The following NRCAM variants were observed in gnomAD, a reference collection of about 807,000 sequenced individuals.
NRCAM encodes the protein neuronal cell adhesion molecule.
A neutral mutation model predicts 156.5 loss-of-function variants in NRCAM; 83 were observed. That is an observed-to-expected ratio of 0.53 (90% CI 0.44 to 0.64). The LOEUF (loss-of-function observed/expected upper bound fraction) is 0.64. Ranked by LOEUF, NRCAM falls within the 30% of genes least tolerant of loss-of-function variation. The pLI, the probability that NRCAM is intolerant of heterozygous loss-of-function variation, is 0.00. For synonymous variants in NRCAM, 538 were observed against 563.9 expected, an observed-to-expected ratio of 0.95 and a Z score of 0.65; for missense variants, 1,417 against 1,597.3, an observed-to-expected ratio of 0.89 and a Z score of 1.92.
At chr7:108,196,219 A>T (rs1443070365) in intron 14 of NRCAM, among the ~76,000 whole-genome samples, 1 of 152,204 alleles carries the variant, frequency 6.6e-6, no homozygotes, top group Non-Finnish European at 1.5e-5. Flanking sequence ...CTCACTCATC[A>T]TAACCCTAGT....
At chr7:108,195,640 G>C (rs2074608918) in intron 15 of NRCAM, 121 bp downstream of exon 15, 2 of 651,030 alleles carry the variant, frequency 3.1e-6, no homozygotes, top group Non-Finnish European at 5.5e-6. Flanking sequence ...TATATTAACA[G>C]TGTAATGGAT....
intron 2 of NRCAM, among the ~76,000 whole-genome samples, chr7:108,353,080 C>T (rs2099431066): frequency 6.6e-6 from 1 of 150,766 alleles, no homozygotes; most frequent in Non-Finnish European, 1.5e-5. Context: ...CCAAACATTA[C>T]AGAAATACCT....
intron 1 of NRCAM, among the ~76,000 whole-genome samples, chr7:108,429,341 G>A (rs1177609487): frequency 3.9e-5 from 6 of 152,186 alleles, no homozygotes; most frequent in South Asian, 2.1e-4. Flanking sequence ...ACAGATGCCC[G>A]CCACCACGCC....
At chr7:108,159,328 T>A in intron 32 of NRCAM, 135 bp downstream of exon 32, 1 of 790,740 alleles carries the variant, frequency 1.3e-6, no homozygotes, top group Non-Finnish European at 2.3e-6. Context: ...TAAACACTGA[T>A]ACATGGAAGT....
chr7:108,188,921 C>T (rs1256766531), intron 20 of NRCAM, among the ~76,000 whole-genome samples: 1 of 150,368 alleles, frequency 6.7e-6, no homozygotes, highest in East Asian at 2.0e-4. Context: ...CGGTATATGC[C>T]TGAAGGTAAT....
chr7:108,325,516 C>A (rs950925302), intron 2 of NRCAM, among the ~76,000 whole-genome samples: 4 of 151,926 alleles, frequency 2.6e-5, no homozygotes, highest in African/African-American at 9.7e-5. Context: ...TCCCCCTCAT[C>A]TTCAGGGCTT....
chr7:108,351,647 A>T (rs920418303), intron 2 of NRCAM, among the ~76,000 whole-genome samples: 2 of 152,224 alleles, frequency 1.3e-5, no homozygotes, highest in Admixed American at 1.3e-4. Context: ...GGCTGAACCC[A>T]TGGAGGGAGA....
intron 3 of NRCAM, among the ~76,000 whole-genome samples, chr7:108,262,095 A>C (rs1018917218): frequency 6.6e-6 from 1 of 152,078 alleles, no homozygotes; most frequent in African/African-American, 2.4e-5. Context: ...CAAGCTACTT[A>C]TGCACAAGTC....
At chr7:108,201,390 T>C (rs992330413) in intron 13 of NRCAM, among the ~76,000 whole-genome samples, 5 of 152,096 alleles carry the variant, frequency 3.3e-5, no homozygotes, top group African/African-American at 1.2e-4. Context: ...TCTGGATGGG[T>C]GGCAGACTAC....
In NRCAM at chr7:108,281,746, G is replaced by C. The variant is rs1485700926; in HGVS notation, c.-107+30919C>G. On this transcript the variant is annotated intron_variant, in intron 3 of 32. Coordinates refer to ENST00000379028, the MANE Select transcript of NRCAM (RefSeq NM_001037132.4). ...TGGCTGCCAAGCTTGGGGCTTCTCTGACCATGCCAGCAGGCCTGAGCCGGG... is the reference window on the plus strand; with the variant it reads ...TGGCTGCCAAGCTTGGGGCTTCTCTCACCATGCCAGCAGGCCTGAGCCGGG... Among the ~76,000 whole-genome samples, 6 of 152,318 alleles carry C rather than the reference G, an allele frequency of 3.9e-5. No individual in the cohort carries two copies. In the East Asian group the frequency reaches 1.2e-3, roughly 29 times the overall value.
At chr7:108,175,987 AATT>A (rs2060335251) in intron 27 of NRCAM, among the ~76,000 whole-genome samples, 1 of 152,150 alleles carries the variant, frequency 6.6e-6, no homozygotes, top group Admixed American at 6.5e-5. Flanking sequence ...TGAACTAGAA[AATT>A]TTTTCCAGTA....
intron 2 of NRCAM, among the ~76,000 whole-genome samples, chr7:108,347,390 T>A (rs1287593538): frequency 3.3e-5 from 5 of 152,204 alleles, no homozygotes; most frequent in Admixed American, 3.3e-4. Context: ...CTCAAGGAAG[T>A]AAGGCATTCA....
chr7:108,261,063 G>C (rs1362478372), intron 3 of NRCAM, among the ~76,000 whole-genome samples: 3 of 152,114 alleles, frequency 2.0e-5, no homozygotes, highest in African/African-American at 2.4e-5. Flanking sequence ...GACATGAGGA[G>C]AAATGGTGGA....
chr7:108,154,213 T>TA (rs769336813), intron 32 of NRCAM, among the ~76,000 whole-genome samples: 1 of 152,186 alleles, frequency 6.6e-6, no homozygotes, highest in Non-Finnish European at 1.5e-5. Flanking sequence ...GGTGCAGAGA[T>TA]AGACAGATTG....
chr7:108,301,716 T>C (rs1325932736), intron 3 of NRCAM, among the ~76,000 whole-genome samples: 1 of 152,190 alleles, frequency 6.6e-6, no homozygotes, highest in Non-Finnish European at 1.5e-5. Flanking sequence ...GGAAGATGAA[T>C]GGATAGTGGT....
intron 13 of NRCAM, among the ~76,000 whole-genome samples, chr7:108,202,729 T>C (rs971197734): frequency 6.6e-6 from 1 of 152,224 alleles, no homozygotes; most frequent in Non-Finnish European, 1.5e-5. Flanking sequence ...TTATCTTACA[T>C]TCCTGGCTTT....
intron 2 of NRCAM, among the ~76,000 whole-genome samples, chr7:108,390,788 G>T (rs189209218): frequency 0.053 from 8,022 of 152,182 alleles, 234 homozygotes; most frequent in East Asian, 0.11. Flanking sequence ...GTTCTCATTG[G>T]TTTCAAAGAA....
chr7:108,275,316 C>T (rs1252053040), intron 3 of NRCAM, among the ~76,000 whole-genome samples: 1 of 152,196 alleles, frequency 6.6e-6, no homozygotes, highest in African/African-American at 2.4e-5. Flanking sequence ...AGGAATGGTA[C>T]CAGCTCCTCT....
chr7:108,205,411 G>A (rs542291093), intron 13 of NRCAM, among the ~76,000 whole-genome samples: 245 of 152,328 alleles, frequency 1.6e-3, no homozygotes, highest in Non-Finnish European at 2.2e-3. Flanking sequence ...AGGACAACAA[G>A]CTGAGCAAAT....
Sources: allele counts gnomAD v4.1 joint callset (sites outside exome capture counted in the v4.1 genomes callset), GRCh38; gene constraint gnomAD v4.1.1; transcripts MANE v1.5; gene names NCBI Gene and HGNC (gene_info 2026-07-23, HGNC 2026-07-21).